DMRT1: variants seen among roughly 807,000 people sequenced by gnomAD.
DMRT1 encodes the protein doublesex- and mab-3-related transcription factor 1.
In DMRT1, 7 loss-of-function variants were observed where a neutral mutation model predicts 32.3. The observed-to-expected ratio is 0.22, with a 90% CI of 0.12 to 0.41. The LOEUF is 0.41. Ranked by LOEUF, DMRT1 falls within the 10% of genes least tolerant of loss-of-function variation. The probability of loss-of-function intolerance (pLI) is 1.00; values close to 1 mark genes in which losing one functional copy is unlikely to be tolerated. For missense variants in DMRT1, 625 were observed against 500.5 expected (o/e 1.25, Z -2.37); for synonymous variants, 278 against 206.1 (o/e 1.35, Z -2.99).
chr9:842,824 C>T (rs554357016), intron 1 of DMRT1: 2 of 152,588 alleles, frequency 1.3e-5, no homozygotes, highest in East Asian at 3.9e-4. Context: ...CCTGATCCCG[C>T]TCTCAGGGCA....
Position 960,762 on chromosome 9 carries a change from G to A in DMRT1, c.968-7223G>A, listed in dbSNP as rs139405708. On this transcript the variant is annotated intron_variant, in intron 4 of 4. Transcript: ENST00000382276. ...GCCTCCCTCAGCCCTCCTGCCTAGC[G>A]TGCAGTGTGGTGGGAAAACAGTCTC... is the stretch of plus-strand genomic sequence containing the variant. Among the ~76,000 whole-genome samples, 445 of 152,326 alleles carry A rather than the reference G, an allele frequency of 2.9e-3. 8 individuals are homozygous for A. Among genetic ancestry groups the A allele is most frequent in the African/African-American group, 0.01 (433 of 41,578 alleles).
chr9:929,036 G>C (rs1019726387), intron 4 of DMRT1, among the ~76,000 whole-genome samples: 1 of 151,582 alleles, frequency 6.6e-6, no homozygotes. Flanking sequence ...ATGGGGTTTC[G>C]CTATGTTGGC....
At chr9:928,545 A>ACAAT (rs1393909543) in intron 4 of DMRT1, among the ~76,000 whole-genome samples, 4 of 152,194 alleles carry the variant, frequency 2.6e-5, no homozygotes, top group Non-Finnish European at 5.9e-5. Context: ...AGCGAAAGAA[A>ACAAT]CAATCACAGG....
rs374514299 is a variant in DMRT1, at chr9:935,957, A to G, written c.967+19050A>G. ...AAGTGCCACCTATCCCCACCCTCCC[A>G]TAAGTGAAATATCCCAAAGTCGTTT... On this transcript the variant is annotated intron_variant, in intron 4 of 4. Coordinates refer to ENST00000382276, the MANE Select transcript of DMRT1 (RefSeq NM_021951.3). Among the ~76,000 whole-genome samples, 5 of 152,288 alleles carry G rather than the reference A, an allele frequency of 3.3e-5. No homozygotes were observed. The South Asian group carries it at 8.3e-4, about 25-fold the overall frequency.
At chr9:852,412 T>C (rs7020362) in intron 2 of DMRT1, among the ~76,000 whole-genome samples, 3,405 of 151,726 alleles carry the variant, frequency 0.022, 120 homozygotes, top group African/African-American at 0.078. Context: ...TTTTTTTTTT[T>C]CGAAAGTTAT....
chr9:896,683 C>G (rs1447477743), intron 3 of DMRT1, among the ~76,000 whole-genome samples: 1 of 151,884 alleles, frequency 6.6e-6, no homozygotes, highest in East Asian at 2.0e-4. Context: ...CATGGTGGCG[C>G]ACGCCTGTAA....
chr9:905,798 G>A (rs886936782), intron 3 of DMRT1, among the ~76,000 whole-genome samples: 5 of 152,072 alleles, frequency 3.3e-5, no homozygotes, highest in Non-Finnish European at 7.4e-5. Flanking sequence ...CTCCTTTTGT[G>A]GATGAGGAAA....
At chr9:947,880 T>C (rs12004928) in intron 4 of DMRT1, among the ~76,000 whole-genome samples, 37,262 of 152,072 alleles carry the variant, frequency 0.25, 6,117 homozygotes, top group African/African-American at 0.46. Context: ...CGGAGCTGGA[T>C]TCTATGTTAG....
intron 4 of DMRT1, among the ~76,000 whole-genome samples, chr9:949,394 A>ATTT: frequency 6.6e-6 from 1 of 151,966 alleles, no homozygotes; most frequent in Non-Finnish European, 1.5e-5. Context: ...AAAACCCACA[A>ATTT]AAAACTTTTC....
intron 4 of DMRT1, among the ~76,000 whole-genome samples, chr9:927,905 C>T (rs1417538758): frequency 1.3e-5 from 2 of 152,170 alleles, no homozygotes; most frequent in Admixed American, 6.5e-5. Context: ...TATTGTGGTA[C>T]ATTGGAATGT....
At chr9:948,363 T>G (rs1819315776) in intron 4 of DMRT1, among the ~76,000 whole-genome samples, 1 of 152,118 alleles carries the variant, frequency 6.6e-6, no homozygotes, top group Non-Finnish European at 1.5e-5. Flanking sequence ...TCTCCTCTCC[T>G]CTCCACAGGG....
intron 2 of DMRT1, among the ~76,000 whole-genome samples, chr9:857,094 CACCT>C (rs1815430002): frequency 6.6e-6 from 1 of 152,126 alleles, no homozygotes; most frequent in African/African-American, 2.4e-5. Context: ...GTGGGTGGAT[CACCT>C]GAGGTCAGGA....
intron 3 of DMRT1, among the ~76,000 whole-genome samples, chr9:907,667 A>G (rs1404838744): frequency 6.6e-6 from 1 of 152,196 alleles, no homozygotes; most frequent in Non-Finnish European, 1.5e-5. Context: ...ATTCCAGTAT[A>G]TATTTACACA....
chr9:948,914 A>AT (rs896722032), intron 4 of DMRT1, among the ~76,000 whole-genome samples: 1 of 138,514 alleles, frequency 7.2e-6, no homozygotes, highest in African/African-American at 3.0e-5. Flanking sequence ...AATAATAATA[A>AT]TAATAATAAT....
chr9:881,420 C>T (rs926845189), intron 2 of DMRT1, among the ~76,000 whole-genome samples: 5 of 152,134 alleles, frequency 3.3e-5, no homozygotes, highest in Non-Finnish European at 7.3e-5. Context: ...CTGGGGCCTG[C>T]AGGGACAAAG....
chr9:847,001 T>C lies in DMRT1; in HGVS notation c.396T>C (p.Gly132=), dbSNP rs1838932361. 1 of 1,614,130 alleles carries C rather than the reference T, an allele frequency of 6.2e-7. No homozygotes were observed. Among genetic ancestry groups the C allele is most frequent in the East Asian group, 2.2e-5 (1 of 44,874 alleles). The part of the protein sequence containing the change: ...RRQQAQEEEL[G]ISHPIPLPSA... Reference sequence around the variant, plus strand: ...AGCAGGCCCAGGAGGAGGAATTGGGTATCAGCCACCCCATCCCACTGCCCA... The same window carrying C: ...AGCAGGCCCAGGAGGAGGAATTGGGCATCAGCCACCCCATCCCACTGCCCA... The change falls in exon 2 of 5, where the codon GGT becomes GGC. Residue 132 remains glycine, a synonymous_variant. Transcript: ENST00000382276.
intron 4 of DMRT1, among the ~76,000 whole-genome samples, chr9:923,140 G>A (rs779459443): frequency 2.8e-4 from 43 of 152,280 alleles, no homozygotes; most frequent in Middle Eastern, 3.4e-3. Context: ...GAGTGGACTT[G>A]CTTAATGCTG....
intron 2 of DMRT1, among the ~76,000 whole-genome samples, chr9:849,469 A>T (rs1474444470): frequency 6.6e-6 from 1 of 152,224 alleles, no homozygotes; most frequent in Non-Finnish European, 1.5e-5. Context: ...GATGTGGCAT[A>T]ACATCAAGGT....
chr9:866,521 G>T (rs908758809), intron 2 of DMRT1, among the ~76,000 whole-genome samples: 1 of 51,894 alleles, frequency 1.9e-5, no homozygotes, highest in African/African-American at 4.6e-5. Flanking sequence ...TTTCCTTCTT[G>T]AAAACACTCT....
Sources: allele counts gnomAD v4.1 joint callset (sites outside exome capture counted in the v4.1 genomes callset), GRCh38; gene constraint gnomAD v4.1.1; transcripts MANE v1.5; gene names NCBI Gene and HGNC (gene_info 2026-07-23, HGNC 2026-07-21).